The following PHLDB2 variants were observed in gnomAD, a reference collection of about 807,000 sequenced individuals.
The protein encoded by PHLDB2 is pleckstrin homology like domain family B member 2, also known as pleckstrin homology-like domain family B member 2.
In PHLDB2, 71 loss-of-function variants were observed where a neutral mutation model predicts 123.6. That is an observed-to-expected ratio of 0.57 (90% CI 0.47 to 0.70). The LOEUF (loss-of-function observed/expected upper bound fraction) is 0.70. Among genes scored for constraint, PHLDB2 ranks in the 30% least tolerant of loss-of-function variants. The probability of loss-of-function intolerance (pLI) is 0.00; values close to 1 mark genes in which losing one functional copy is unlikely to be tolerated. For missense variants in PHLDB2, 1,446 were observed against 1,519.5 expected (o/e 0.95, Z 0.80); for synonymous variants, 547 against 541.6 (o/e 1.01, Z -0.14).
intron 1 of PHLDB2, among the ~76,000 whole-genome samples, chr3:111,757,863 C>T (rs1204808141): frequency 6.6e-6 from 1 of 152,200 alleles, no homozygotes; most frequent in Non-Finnish European, 1.5e-5. Flanking sequence ...TGCTAGAAGT[C>T]CACTCCAGAC....
intron 8 of PHLDB2, among the ~76,000 whole-genome samples, chr3:111,943,036 G>A (rs1367427566): frequency 2.0e-5 from 3 of 151,972 alleles, no homozygotes; most frequent in African/African-American, 7.3e-5. Context: ...ATATAACATA[G>A]TTACCACCAA....
chr3:111,935,867 C>T lies in PHLDB2; in HGVS notation c.2130+3470C>T, dbSNP rs1177725733. 2.6e-5 allele frequency among the ~76,000 whole-genome samples: 4 copies of T among 152,294 alleles called. No homozygotes were observed. The South Asian group carries it at 8.3e-4, about 32-fold the overall frequency. Reference sequence around the variant, plus strand: ...CACCGACTCAAATGTTAATCTTTGGCAAGATCCTCCCAGACACACCCAGGA... The same window carrying T: ...CACCGACTCAAATGTTAATCTTTGGTAAGATCCTCCCAGACACACCCAGGA... On this transcript the variant is annotated intron_variant, in intron 6 of 17. Transcript: ENST00000431670.
At chr3:111,860,425 G>A (rs1398191930) in intron 1 of PHLDB2, among the ~76,000 whole-genome samples, 2 of 152,364 alleles carry the variant, frequency 1.3e-5, no homozygotes, top group African/African-American at 4.8e-5. Context: ...GGCTTGGGGA[G>A]TATTTTAACC....
At chr3:111,966,533 T>G (rs1427839463) in intron 13 of PHLDB2, 80 bp from the exon 14 acceptor site, 2 of 779,604 alleles carry the variant, frequency 2.6e-6, no homozygotes, top group Non-Finnish European at 4.2e-6. Context: ...CTGGGGTGTG[T>G]GTGTGTGTGT....
intron 1 of PHLDB2, among the ~76,000 whole-genome samples, chr3:111,817,065 G>A (rs1015397746): frequency 2.6e-5 from 4 of 152,162 alleles, no homozygotes; most frequent in Non-Finnish European, 4.4e-5. Context: ...ATGATTGTGA[G>A]GCCTCCCCAG....
intron 2 of PHLDB2, among the ~76,000 whole-genome samples, chr3:111,897,176 AG>A (rs1208866952): frequency 6.6e-6 from 1 of 152,244 alleles, no homozygotes; most frequent in Non-Finnish European, 1.5e-5. Flanking sequence ...ATAACCATAT[AG>A]CATGTAACCT....
chr3:111,921,339 GA>G (rs777906588), intron 5 of PHLDB2, among the ~76,000 whole-genome samples: 8 of 152,120 alleles, frequency 5.3e-5, no homozygotes, highest in Non-Finnish European at 1.0e-4. Flanking sequence ...CTGAGAAAAA[GA>G]AAAAATTTTT....
At chr3:111,946,567 G>T (rs1164660859) in intron 9 of PHLDB2, among the ~76,000 whole-genome samples, 2 of 152,174 alleles carry the variant, frequency 1.3e-5, no homozygotes, top group African/African-American at 4.8e-5. Flanking sequence ...AGATCATTCA[G>T]TTTCATAGTT....
intron 3 of PHLDB2, among the ~76,000 whole-genome samples, chr3:111,918,553 T>C (rs1245496842): frequency 6.6e-6 from 1 of 152,218 alleles, no homozygotes; most frequent in Non-Finnish European, 1.5e-5. Context: ...GCATGAATGC[T>C]CATTTGCAGG....
At chr3:111,896,018 G>T (rs1577024284) in intron 2 of PHLDB2, among the ~76,000 whole-genome samples, 1 of 152,072 alleles carries the variant, frequency 6.6e-6, no homozygotes, top group East Asian at 1.9e-4. Flanking sequence ...TTTTTTTGAG[G>T]AGAGTCTTGC....
intron 1 of PHLDB2, chr3:111,845,770 G>A (rs2063956270): frequency 1.3e-6 from 2 of 1,599,436 alleles, no homozygotes; most frequent in South Asian, 2.2e-5. Flanking sequence ...AGTTTTCAGA[G>A]GTCAATTCAG....
At chr3:111,881,806 C>T (rs1025875054) in intron 1 of PHLDB2, among the ~76,000 whole-genome samples, 1 of 147,888 alleles carries the variant, frequency 6.8e-6, no homozygotes, top group African/African-American at 2.5e-5. Flanking sequence ...CTAGGCTACA[C>T]AGTTAGTGTT....
At chr3:111,956,846 C>G (rs1286170642) in intron 12 of PHLDB2, among the ~76,000 whole-genome samples, 1 of 152,150 alleles carries the variant, frequency 6.6e-6, no homozygotes, top group African/African-American at 2.4e-5. Context: ...TTGACTAGCA[C>G]TTGTTAACTT....
chr3:111,884,202 A>G lies in PHLDB2; in HGVS notation c.125A>G (p.Lys42Arg). The change falls in exon 2 of 18, where the codon AAA (lysine) becomes AGA (arginine). Residue 42 changes from lysine (K) to arginine (R), a missense_variant. Physicochemically the swap from Lys to Arg is conservative, Grantham distance 26 (BLOSUM62 2). Transcript: ENST00000431670. The part of the protein sequence containing the change: ...QNMMESLSPK[K>R]YSSSLRFKAN... ...ATGATGGAGAGCCTCAGCCCAAAGAAATACTCTTCCAGTCTGAGATTTAAA... is the reference window on the plus strand; with the variant it reads ...ATGATGGAGAGCCTCAGCCCAAAGAGATACTCTTCCAGTCTGAGATTTAAA... 3 of 1,614,184 alleles carry G rather than the reference A, an allele frequency of 1.9e-6. No homozygotes were observed. The highest frequency in any genetic ancestry group is 2.5e-6 in the Non-Finnish European group (3 of 1,180,022).
chr3:111,935,500 A>AGATAGAT (rs2069422726), intron 6 of PHLDB2, among the ~76,000 whole-genome samples: 1 of 145,636 alleles, frequency 6.9e-6, no homozygotes, highest in Non-Finnish European at 1.5e-5. Flanking sequence ...ATGTGTATAT[A>AGATAGAT]AGATAGATAG....
At chr3:111,868,257 C>T (rs923180588) in intron 1 of PHLDB2, among the ~76,000 whole-genome samples, 1 of 151,614 alleles carries the variant, frequency 6.6e-6, no homozygotes, top group African/African-American at 2.4e-5. Flanking sequence ...TAGGCTCAAG[C>T]AATCCTCATG....
chr3:111,858,879 C>A (rs2064641221), upstream of PHLDB2, among the ~76,000 whole-genome samples: 1 of 152,166 alleles, frequency 6.6e-6, no homozygotes, highest in African/African-American at 2.4e-5. Context: ...TGATTATGGG[C>A]CACCCTCGGT....
intron 2 of PHLDB2, among the ~76,000 whole-genome samples, chr3:111,896,535 C>T (rs991888700): frequency 1.3e-5 from 2 of 151,964 alleles, no homozygotes; most frequent in African/African-American, 4.8e-5. Flanking sequence ...TTAGTAGAGA[C>T]GGGGTTTCGC....
chr3:111,748,296 G>A (rs2059713383), intron 1 of PHLDB2, among the ~76,000 whole-genome samples: 1 of 152,154 alleles, frequency 6.6e-6, no homozygotes, highest in Admixed American at 6.5e-5. Flanking sequence ...AGGTTCACTG[G>A]AAATTTGCAT....
Sources: gnomAD v4.1 joint callset for allele counts (sites outside exome capture counted in the v4.1 genomes callset) on GRCh38, gnomAD v4.1.1 for gene constraint, MANE v1.5 for transcripts, NCBI Gene and HGNC (gene_info 2026-07-23, HGNC 2026-07-21) for gene names.